Variants in PTPRN2 observed in about 807,000 individuals in gnomAD.
PTPRN2 encodes the protein receptor-type tyrosine-protein phosphatase N2.
A neutral mutation model predicts 118.8 loss-of-function variants in PTPRN2; 74 were observed. The observed-to-expected ratio is 0.62, with a 90% confidence interval of 0.52 to 0.76. PTPRN2 has a LOEUF of 0.76. Ranked by LOEUF, PTPRN2 falls within the 30% of genes least tolerant of loss-of-function variation. PTPRN2 has a pLI of 0.00. For synonymous variants in PTPRN2, 641 were observed against 608.0 expected (o/e 1.05, Z -0.80); for missense variants, 1,481 against 1,394.4 (o/e 1.06, Z -0.99).
chr7:157,714,774 G>A lies in PTPRN2; in HGVS notation c.1789-31837C>T, dbSNP rs576054100. 4.1e-5 allele frequency among the ~76,000 whole-genome samples: 6 copies of A among 146,458 alleles called. No homozygotes were observed. The South Asian group carries it at 8.6e-4, about 21-fold the overall frequency. ...CTCCCCAGGGAACGGCGCCCAGTCC[G>A]ACATGCTTCTGAAAGGATTCTAGGT... is the stretch of plus-strand genomic sequence containing the variant. On this transcript the variant is annotated intron_variant, in intron 12 of 22. Transcript: ENST00000389418.
At chr7:158,357,523 G>T (rs1194234000) in intron 2 of PTPRN2, among the ~76,000 whole-genome samples, 1 of 152,220 alleles carries the variant, frequency 6.6e-6, no homozygotes, top group Non-Finnish European at 1.5e-5. Context: ...TGGCCTTCAG[G>T]GTGCTGGGCA....
chr7:158,368,321 T>C (rs1474201396), intron 2 of PTPRN2, among the ~76,000 whole-genome samples: 15 of 152,310 alleles, frequency 9.8e-5, no homozygotes, highest in Non-Finnish European at 4.4e-5. Flanking sequence ...CCCGCTTGTG[T>C]TGACTTCAGA....
chr7:158,259,719 ATGTG>A (rs1002402205), intron 3 of PTPRN2, among the ~76,000 whole-genome samples: 6 of 148,274 alleles, frequency 4.0e-5, no homozygotes, highest in Non-Finnish European at 7.5e-5. Context: ...GTGTACAGGT[ATGTG>A]TGTTTGTGTG....
rs202155029 is a variant in PTPRN2, at chr7:158,316,826, G to A, written c.270C>T (p.Ser90=). ...GGCCCACGCCCGCCCTACCTGTGCC[G>A]GAAAGCTTCTGCAACGCCACGCGCA... is the stretch of plus-strand genomic sequence containing the variant. ...QRLRVALQKL[S]GTGFTWQDDY... is the part of the protein sequence containing the mutation. Residue 90 remains serine, a synonymous_variant, in exon 3 of 23, where the codon TCC becomes TCT. Coordinates refer to ENST00000389418, the MANE Select transcript of PTPRN2 (RefSeq NM_002847.5). The A allele has an allele frequency of 5.1e-5, 82 of 1,601,898 alleles. No individual in the cohort carries two copies. The highest frequency in any genetic ancestry group is 6.0e-5 in the Non-Finnish European group (71 of 1,177,766).
At chr7:158,167,378 A>G in intron 5 of PTPRN2, 87 bp from the exon 6 acceptor site, 1 of 1,498,930 alleles carries the variant, frequency 6.7e-7, no homozygotes, top group Non-Finnish European at 8.9e-7. Flanking sequence ...CTCAGTTTTC[A>G]AGGTCCTAAA....
intron 12 of PTPRN2, among the ~76,000 whole-genome samples, chr7:157,882,137 G>A (rs1796166772): frequency 2.0e-5 from 3 of 150,526 alleles, no homozygotes; most frequent in South Asian, 2.1e-4. Context: ...AAAAATGACT[G>A]TCGAAGAACA....
chr7:158,125,297 C>T (rs1265431743), intron 9 of PTPRN2, among the ~76,000 whole-genome samples: 1 of 148,284 alleles, frequency 6.7e-6, no homozygotes, highest in Non-Finnish European at 1.5e-5. Context: ...CGACCCCCTG[C>T]CTCAAGTCCC....
At chr7:158,221,847 A>C (rs976838143) in intron 3 of PTPRN2, among the ~76,000 whole-genome samples, 3 of 152,150 alleles carry the variant, frequency 2.0e-5, no homozygotes, top group Admixed American at 2.0e-4. Context: ...GAAATTTAAT[A>C]TCCAGAATCT....
chr7:158,114,879 A>C (rs535224217), intron 9 of PTPRN2, among the ~76,000 whole-genome samples: 1 of 152,188 alleles, frequency 6.6e-6, no homozygotes, highest in Non-Finnish European at 1.5e-5. Context: ...CTCGGGTAGC[A>C]CAGTCACTCA....
intron 11 of PTPRN2, among the ~76,000 whole-genome samples, chr7:158,040,881 C>T (rs1015181410): frequency 2.0e-5 from 3 of 152,164 alleles, no homozygotes; most frequent in Admixed American, 6.5e-5. Context: ...TACAGGCATG[C>T]ACCACCACAC....
At chr7:157,667,422 G>T (rs1585206466) in intron 13 of PTPRN2, among the ~76,000 whole-genome samples, 1 of 152,218 alleles carries the variant, frequency 6.6e-6, no homozygotes, top group Admixed American at 6.5e-5. Flanking sequence ...TCTTACACGG[G>T]TGTGGGCATC....
At chr7:158,062,052 G>A (rs535550896) in intron 11 of PTPRN2, among the ~76,000 whole-genome samples, 6 of 152,370 alleles carry the variant, frequency 3.9e-5, no homozygotes, top group East Asian at 3.9e-4. Context: ...TGAGCATCTC[G>A]CACCTTGGTG....
chr7:158,520,517 G>A (rs985264985), intron 1 of PTPRN2, among the ~76,000 whole-genome samples: 3 of 152,122 alleles, frequency 2.0e-5, no homozygotes, highest in Non-Finnish European at 1.5e-5. Context: ...AGCTCAGCTC[G>A]AGGCCCCTGG....
At chr7:158,006,966 C>T (rs2128865180) in intron 11 of PTPRN2, among the ~76,000 whole-genome samples, 1 of 152,280 alleles carries the variant, frequency 6.6e-6, no homozygotes, top group East Asian at 1.9e-4. Flanking sequence ...GCCTGAGCGG[C>T]TCAAACAACA....
chr7:158,136,597 A>C, intron 8 of PTPRN2, 58 bp downstream of exon 8: 3 of 1,561,986 alleles, frequency 1.9e-6, no homozygotes, highest in Non-Finnish European at 2.6e-6. Flanking sequence ...CACCATGAAC[A>C]AAAAGATCAC....
At chr7:158,163,567 C>T (rs959635813) in intron 6 of PTPRN2, among the ~76,000 whole-genome samples, 12 of 150,144 alleles carry the variant, frequency 8.0e-5, no homozygotes, top group African/African-American at 2.2e-4. Context: ...GACGCCTGTA[C>T]GGGGTTCTCA....
rs1373931902 is a variant in PTPRN2, at chr7:158,438,952, G to A, written c.163+50783C>T. 6.6e-6 allele frequency among the ~76,000 whole-genome samples: 1 copy of A among 152,180 alleles called. No individual in the cohort carries two copies. The highest frequency in any genetic ancestry group is 1.5e-5 in the Non-Finnish European group (1 of 68,034). On this transcript the variant is annotated intron_variant, in intron 2 of 22. Transcript: ENST00000389418. The surrounding 1 kb of genome is among the most constrained non-coding windows in gnomAD (Gnocchi z 4.7). ...TGTTCAAAGTCACCCCTCTGAGGCT[G>A]CCCTGAGACAAATGCATCTCATTGC...
At chr7:158,158,101 C>T (rs541047334) in intron 6 of PTPRN2, among the ~76,000 whole-genome samples, 2 of 152,140 alleles carry the variant, frequency 1.3e-5, no homozygotes, top group Admixed American at 6.5e-5. Flanking sequence ...GGGTTTAGAG[C>T]ACTGAGCAGC....
In PTPRN2 at chr7:157,583,044, T is replaced by G. The variant is rs942000934; in HGVS notation, c.2497-4904A>C. Among the ~76,000 whole-genome samples the G allele has an allele frequency of 6.6e-6, 1 of 152,110 alleles. No individual in the cohort carries two copies. ...CACCCCTTTGTTTATTGCAGAACTA[T>G]TCACAATAAACAAGATTTGGAACAA... On this transcript the variant is annotated intron_variant, in intron 17 of 22. Coordinates refer to ENST00000389418, the MANE Select transcript of PTPRN2 (RefSeq NM_002847.5). The surrounding 1 kb of genome is among the most constrained non-coding windows in gnomAD (Gnocchi z 5.5).
Sources: allele counts gnomAD v4.1 joint callset (sites outside exome capture counted in the v4.1 genomes callset), GRCh38; gene constraint gnomAD v4.1.1; non-coding constraint Gnocchi (gnomAD v3.1); transcripts MANE v1.5; gene names NCBI Gene and HGNC (gene_info 2026-07-23, HGNC 2026-07-21).